MBD3: variants seen among roughly 807,000 people sequenced by gnomAD.
MBD3 encodes the protein methyl-CpG-binding domain protein 3.
In MBD3, 13 loss-of-function variants were observed where a neutral mutation model predicts 31.2. The ratio of observed to expected loss-of-function variants is 0.42; its 90% confidence interval spans 0.27 to 0.66. The LOEUF is 0.66. MBD3 is among the 30% of genes least tolerant of loss of function. The pLI is 0.26. For synonymous variants in MBD3, 223 were observed against 187.4 expected (o/e 1.19, Z -1.55); for missense variants, 440 against 426.5 (o/e 1.03, Z -0.28).
At chr19:1,579,394 G>A (rs974061893) in intron 5 of MBD3, among the ~76,000 whole-genome samples, 6 of 151,628 alleles carry the variant, frequency 4.0e-5, no homozygotes, top group South Asian at 2.1e-4. Flanking sequence ...CCTCCTCCTC[G>A]GGGCCTACAA....
chr19:1,583,075 G>A, intron 3 of MBD3, among the ~76,000 whole-genome samples: 1 of 151,838 alleles, frequency 6.6e-6, no homozygotes, highest in Admixed American at 6.6e-5. Flanking sequence ...GTGGTGACGG[G>A]CGCCTGTAAT....
intron 1 of MBD3, among the ~76,000 whole-genome samples, chr19:1,590,693 C>A (rs1478741343): frequency 6.6e-6 from 1 of 152,166 alleles, no homozygotes; most frequent in Non-Finnish European, 1.5e-5. Context: ...TCTATTGACA[C>A]AAAATGATGT....
At position 1,584,200 on chromosome 19, in the gene MBD3, G is replaced by A. The variant is rs972444531; in HGVS notation, c.408+340C>T. Among the ~76,000 whole-genome samples the A allele has an allele frequency of 5.3e-5, 8 of 151,684 alleles. No individual in the cohort carries two copies. In the South Asian group the frequency reaches 1.7e-3, roughly 32 times the overall value. On this transcript the variant is annotated intron_variant, in intron 3 of 6. Coordinates refer to ENST00000434436, the MANE Select transcript of MBD3 (RefSeq NM_001281453.2). ...GGGGGTTGAGGGTGGGGCGTATCCTGGCACCAATACCCTGCACATTCCAAG... is the reference window on the plus strand; with the variant it reads ...GGGGGTTGAGGGTGGGGCGTATCCTAGCACCAATACCCTGCACATTCCAAG...
Position 1,581,145 on chromosome 19 carries a change from G to C in MBD3, c.624C>G (p.Leu208=). Residue 208 remains leucine, a synonymous_variant, in exon 5 of 7, where the codon CTC becomes CTG. Coordinates refer to ENST00000434436, the MANE Select transcript of MBD3 (RefSeq NM_001281453.2). The stretch of plus-strand genomic sequence containing the variant: ...CTTTGCACAGGGGCTGCGTGGTGTT[G>C]AGCCATACGCCGGGGTTCTTCTCCA... ...AAVEKNPGVW[L]NTTQPLCKAF... 2 of 1,614,178 alleles carry C rather than the reference G, an allele frequency of 1.2e-6. No homozygotes were observed. The highest frequency in any genetic ancestry group is 1.7e-5 in the Admixed American group (1 of 60,024).
chr19:1,577,794 C>T lies in MBD3; in HGVS notation c.*370G>A, dbSNP rs1462807923. 6 of 165,070 alleles carry T rather than the reference C, an allele frequency of 3.6e-5. No individual in the cohort carries two copies. The highest frequency in any genetic ancestry group is 6.6e-5 in the Non-Finnish European group (5 of 75,884). 10.2% of individuals were successfully genotyped at this position (165,070 alleles called of 1,614,324 possible). A position where few individuals can be genotyped will look rare whatever the true frequency, so the allele number is the denominator to read the frequency against. On this transcript the variant is annotated 3_prime_UTR_variant, in exon 7 of 7. Coordinates refer to ENST00000434436, the MANE Select transcript of MBD3 (RefSeq NM_001281453.2). Reference sequence around the variant, plus strand: ...CCTCCCAGCTGTCAGCAAGCCGTGGCGCCGAGCTGCCGGGCACCTGCTGGC... The same window carrying T: ...CCTCCCAGCTGTCAGCAAGCCGTGGTGCCGAGCTGCCGGGCACCTGCTGGC...
intron 2 of MBD3, 185 bp downstream of exon 2, chr19:1,584,870 C>T: frequency 9.7e-7 from 1 of 1,025,792 alleles, no homozygotes; most frequent in Non-Finnish European, 1.4e-6. Context: ...CCGCCGCGGG[C>T]CGCGTCCTCG....
In MBD3 at chr19:1,578,950, G is replaced by A. The variant is rs527523783; in HGVS notation, c.678-412C>T. ...TGTAATCCCAGCACTTTGGGAGGCC[G>A]AGGTGGGCAGATCACTTGAGGTCAG... On this transcript the variant is annotated intron_variant, in intron 5 of 6. Coordinates refer to ENST00000434436, the MANE Select transcript of MBD3 (RefSeq NM_001281453.2). This position sits in a 1 kb window ranked among gnomAD's most constrained non-coding sequence, Gnocchi z 6.1. Among the ~76,000 whole-genome samples, 31 of 152,166 alleles carry A rather than the reference G, an allele frequency of 2.0e-4. No homozygotes were observed. Among genetic ancestry groups the A allele is most frequent in the Non-Finnish European group, 3.7e-4 (25 of 68,000 alleles).
rs1317706620 is a variant in MBD3 at position 1,575,055 on chromosome 19, C to T, written c.*3109G>A. 8.0e-6 allele frequency: 3 copies of T among 373,082 alleles called. No homozygotes were observed. The highest frequency in any genetic ancestry group is 1.6e-5 in the Non-Finnish European group (3 of 182,042). The allele number at this position is 373,082 out of a possible 1,614,324, so 23.1% of individuals were successfully genotyped here. Reference sequence around the variant, plus strand: ...CACGGGGGTCCTGAGCCTCTCCTCCCTGGTACCCTCTGTGGCGGCAGCGGT... The same window carrying T: ...CACGGGGGTCCTGAGCCTCTCCTCCTTGGTACCCTCTGTGGCGGCAGCGGT... On this transcript the variant is annotated 3_prime_UTR_variant, in exon 7 of 7. Transcript: ENST00000434436.
Position 1,581,127 on chromosome 19 carries a change from C to A in MBD3, c.642G>T (p.Leu214=). 1 of 1,614,180 alleles carries A rather than the reference C, an allele frequency of 6.2e-7. No individual in the cohort carries two copies. Among genetic ancestry groups the A allele is most frequent in the Non-Finnish European group, 8.5e-7 (1 of 1,180,038 alleles). Residue 214 remains leucine, a synonymous_variant, in exon 5 of 7, where the codon CTG becomes CTT. Coordinates refer to ENST00000434436, the MANE Select transcript of MBD3 (RefSeq NM_001281453.2). ...CGTCGGTCACCATGAAGGCTTTGCACAGGGGCTGCGTGGTGTTGAGCCATA... is the reference window on the plus strand; with the variant it reads ...CGTCGGTCACCATGAAGGCTTTGCAAAGGGGCTGCGTGGTGTTGAGCCATA... ...PGVWLNTTQP[L]CKAFMVTDED...
At position 1,582,729 on chromosome 19, in the gene MBD3, T is replaced by C. The variant is rs1214074187; in HGVS notation, c.409-17A>G. ...CCAGAAGAGCTGCCCCAGACACATA[T>C]GTGAACCTCAAGAGTGGCCCTGCCC... On this transcript the variant is annotated splice_polypyrimidine_tract_variant and intron_variant, in intron 3 of 6. Coordinates refer to ENST00000434436, the MANE Select transcript of MBD3 (RefSeq NM_001281453.2). The C allele has an allele frequency of 1.2e-6, 2 of 1,609,150 alleles. No homozygotes were observed. Among genetic ancestry groups the C allele is most frequent in the African/African-American group, 1.3e-5 (1 of 74,986 alleles).
At chr19:1,581,669 C>T (rs528330102) in intron 4 of MBD3, 42 of 331,836 alleles carry the variant, frequency 1.3e-4, no homozygotes, top group Admixed American at 9.3e-4. Flanking sequence ...CACTTGAGCC[C>T]GGGAGGTAGA....
intron 5 of MBD3, 23 bp downstream of exon 5, chr19:1,581,069 A>G: frequency 6.2e-7 from 1 of 1,613,978 alleles, no homozygotes; most frequent in Non-Finnish European, 8.5e-7. Context: ...GTGGAGCAGC[A>G]GGGGACCAGG....
Position 1,592,686 on chromosome 19 carries a change from C to G in MBD3, c.-55G>C, listed in dbSNP as rs1041699863. On this transcript the variant is annotated 5_prime_UTR_variant, in exon 1 of 7. Coordinates refer to ENST00000434436, the MANE Select transcript of MBD3 (RefSeq NM_001281453.2). ...CCCGCCGCCGCCGCCCGGACCCCCACTCGCCGCCGCCGCCTCAGCTGCCTC... is the reference window on the plus strand; with the variant it reads ...CCCGCCGCCGCCGCCCGGACCCCCAGTCGCCGCCGCCGCCTCAGCTGCCTC... 2.7e-5 allele frequency: 18 copies of G among 666,374 alleles called. No individual in the cohort carries two copies. The highest frequency in any genetic ancestry group is 9.2e-5 in the East Asian group (1 of 10,868). The allele number at this position is 666,374 out of a possible 1,614,324, so 41.3% of individuals were successfully genotyped here. A position where few individuals can be genotyped will look rare whatever the true frequency, so the allele number is the denominator to read the frequency against.
At position 1,576,777 on chromosome 19, in the gene MBD3, G is replaced by C. The variant is rs1917202517; in HGVS notation, c.*1387C>G. 6.6e-6 allele frequency: 1 copy of C among 152,282 alleles called. No homozygotes were observed. The highest frequency in any genetic ancestry group is 6.5e-5 in the Admixed American group (1 of 15,284). 9.4% of individuals were successfully genotyped at this position (152,282 alleles called of 1,614,324 possible). On this transcript the variant is annotated 3_prime_UTR_variant, in exon 7 of 7. Coordinates refer to ENST00000434436, the MANE Select transcript of MBD3 (RefSeq NM_001281453.2). Reference sequence around the variant, plus strand: ...GAGGGGAGGCCACCCCACTGCAAAGGGTCCCAGCCAGTGGGCACCAACCTC... The same window carrying C: ...GAGGGGAGGCCACCCCACTGCAAAGCGTCCCAGCCAGTGGGCACCAACCTC...
intron 5 of MBD3, among the ~76,000 whole-genome samples, chr19:1,580,632 C>T (rs766856605): frequency 2.0e-5 from 3 of 152,246 alleles, no homozygotes; most frequent in African/African-American, 2.4e-5. Context: ...AGGAGGGCCG[C>T]TCACCCCTGG....
At position 1,585,261 on chromosome 19, in the gene MBD3, CAAACCCAGGCCTCGGCCGCAGACCCA is replaced by C. The variant is rs1252462753; in HGVS notation, c.111-73_111-48del. 6.5e-7 allele frequency: 1 copy of C among 1,535,404 alleles called. No individual in the cohort carries two copies. The highest frequency in any genetic ancestry group is 1.9e-5 in the Admixed American group (1 of 51,410). On this transcript the variant is annotated intron_variant, in intron 1 of 6. Transcript: ENST00000434436. This position sits in a 1 kb window ranked among gnomAD's most constrained non-coding sequence, Gnocchi z 4.1. Reference sequence around the variant, plus strand: ...GGCGCCCCGGGCGGACCCCAGACCCCAAACCCAGGCCTCGGCCGCAGACCCAAACCCAGTCCCAGCCCCAGCTTCAG... The same window carrying C: ...GGCGCCCCGGGCGGACCCCAGACCCCAACCCAGTCCCAGCCCCAGCTTCAG...
Position 1,578,103 on chromosome 19 carries a change from C to T in MBD3, c.*61G>A, listed in dbSNP as rs944838983. ...CCGCCGAGCCTGGTTCACGTGGGGC[C>T]GAGGACCGCGTCTGCAGGCGGCTCC... On this transcript the variant is annotated 3_prime_UTR_variant, in exon 7 of 7. Coordinates refer to ENST00000434436, the MANE Select transcript of MBD3 (RefSeq NM_001281453.2). The surrounding 1 kb of genome is among the most constrained non-coding windows in gnomAD (Gnocchi z 6.1). 1.3e-5 allele frequency: 8 copies of T among 637,238 alleles called. No individual in the cohort carries two copies. The highest frequency in any genetic ancestry group is 5.8e-5 in the South Asian group (3 of 51,384). 39.5% of individuals were successfully genotyped at this position (637,238 alleles called of 1,614,324 possible).
chr19:1,589,801 TCCAGCCTGG>T (rs2060695578), intron 1 of MBD3, among the ~76,000 whole-genome samples: 1 of 151,994 alleles, frequency 6.6e-6, no homozygotes, highest in Admixed American at 6.6e-5. Context: ...ACCACTGCAC[TCCAGCCTGG>T]GTGACAGAAC....
In MBD3 at chr19:1,585,331, G is replaced by C. The variant is rs2060674203; in HGVS notation, c.111-117C>G. 8.3e-7 allele frequency: 1 copy of C among 1,198,162 alleles called. No homozygotes were observed. Among genetic ancestry groups the C allele is most frequent in the South Asian group, 1.4e-5 (1 of 69,520 alleles). 74.2% of individuals were successfully genotyped at this position (1,198,162 alleles called of 1,614,324 possible). A position where few individuals can be genotyped will look rare whatever the true frequency, so the allele number is the denominator to read the frequency against. On this transcript the variant is annotated intron_variant, in intron 1 of 6. Transcript: ENST00000434436. The surrounding 1 kb of genome is among the most constrained non-coding windows in gnomAD (Gnocchi z 4.1). The stretch of plus-strand genomic sequence containing the variant: ...GCTTCAGGTCGCGACCCCAGCCCCA[G>C]ACCCCAACACGGCCCTGACCCCAAA...
Sources: gnomAD v4.1 joint callset for allele counts (sites outside exome capture counted in the v4.1 genomes callset) on GRCh38, gnomAD v4.1.1 for gene constraint, Gnocchi (gnomAD v3.1) non-coding constraint, MANE v1.5 for transcripts, NCBI Gene and HGNC (gene_info 2026-07-23, HGNC 2026-07-21) for gene names.